The following SMOC2 variants were observed in gnomAD, a reference collection of about 807,000 sequenced individuals.
SMOC2 encodes the protein SPARC-related modular calcium-binding protein 2.
SMOC2 carries 39 observed loss-of-function variants against 61.4 expected under a neutral mutation model. That is an observed-to-expected ratio of 0.64 (90% CI 0.49 to 0.83). The LOEUF (loss-of-function observed/expected upper bound fraction) is 0.83. SMOC2 is among the 40% of genes least tolerant of loss of function. SMOC2 has a pLI of 0.00. For missense variants in SMOC2, 556 were observed against 592.9 expected (o/e 0.94, Z 0.65); for synonymous variants, 247 against 239.9 (o/e 1.03, Z -0.27).
intron 7 of SMOC2, among the ~76,000 whole-genome samples, chr6:168,582,681 G>A (rs1401189417): frequency 1.3e-5 from 2 of 152,212 alleles, no homozygotes; most frequent in African/African-American, 2.4e-5. Context: ...TGACTGGAAC[G>A]CCGCCATGGA....
chr6:168,603,833 C>T (rs1356275234), intron 8 of SMOC2, among the ~76,000 whole-genome samples: 6 of 152,208 alleles, frequency 3.9e-5, no homozygotes, highest in Admixed American at 1.3e-4. Flanking sequence ...AGCAAGGAAG[C>T]CTGCAGAAGT....
chr6:168,560,523 C>T (rs1038679695), intron 7 of SMOC2, among the ~76,000 whole-genome samples: 29 of 145,456 alleles, frequency 2.0e-4, no homozygotes, highest in Middle Eastern at 3.5e-3. Context: ...TCACTGCGTT[C>T]TTGGAGGAGG....
Position 168,486,955 on chromosome 6 carries a change from T to A in SMOC2, c.85-22960T>A, listed in dbSNP as rs567031023. Among the ~76,000 whole-genome samples the A allele has an allele frequency of 2.0e-5, 3 of 152,224 alleles. No homozygotes were observed. In the East Asian group the frequency reaches 5.8e-4, roughly 30 times the overall value. On this transcript the variant is annotated intron_variant, in intron 1 of 12. Transcript: ENST00000356284. ...CTGGGCAGCATGCAGAGAGACATAC[T>A]CCGTCCCCTCACTCATTAGAAGGGC...
At chr6:168,556,756 C>T (rs1490778126) in intron 7 of SMOC2, among the ~76,000 whole-genome samples, 1 of 110,496 alleles carries the variant, frequency 9.1e-6, no homozygotes, top group Non-Finnish European at 1.7e-5. Context: ...CCCCACCCCA[C>T]AACAGGCCCC....
At chr6:168,661,966 AC>A (rs1787519996) in intron 11 of SMOC2, among the ~76,000 whole-genome samples, 1 of 152,222 alleles carries the variant, frequency 6.6e-6, no homozygotes, top group Non-Finnish European at 1.5e-5. Flanking sequence ...TTTGCAATTT[AC>A]CTAATTGCAA....
Position 168,526,330 on chromosome 6 carries a change from C to G in SMOC2, c.257-16C>G. On this transcript the variant is annotated splice_polypyrimidine_tract_variant and intron_variant, in intron 2 of 12. Coordinates refer to ENST00000356284, the MANE Select transcript of SMOC2 (RefSeq NM_001166412.2). Reference sequence around the variant, plus strand: ...CCCATTGCATAACCACACCTCTGCCCTGTTCTTCCCTACAGACGTGTCCAG... The same window carrying G: ...CCCATTGCATAACCACACCTCTGCCGTGTTCTTCCCTACAGACGTGTCCAG... The G allele has an allele frequency of 6.2e-7, 1 of 1,607,940 alleles. No homozygotes were observed. Among genetic ancestry groups the G allele is most frequent in the Non-Finnish European group, 8.5e-7 (1 of 1,174,356 alleles).
At chr6:168,456,293 T>C (rs1562538036) in intron 1 of SMOC2, among the ~76,000 whole-genome samples, 1 of 152,118 alleles carries the variant, frequency 6.6e-6, no homozygotes, top group Non-Finnish European at 1.5e-5. Flanking sequence ...AGAGCAAGGC[T>C]CTGGGTTTTT....
chr6:168,641,524 C>T (rs79117274), intron 9 of SMOC2, among the ~76,000 whole-genome samples: 3,555 of 152,270 alleles, frequency 0.023, 162 homozygotes, highest in African/African-American at 0.081. Flanking sequence ...GAAACACACA[C>T]GTTGGTCTTT....
At chr6:168,652,918 G>A (rs1170880328) in intron 10 of SMOC2, 36 bp from the exon 11 acceptor site, 1 of 1,602,014 alleles carries the variant, frequency 6.2e-7, no homozygotes, top group East Asian at 2.2e-5. Flanking sequence ...CAGCCCAGGG[G>A]TTTAAGCATC....
chr6:168,509,977 GA>G lies in SMOC2; in HGVS notation c.150del (p.Lys50AsnfsTer27). 1 of 1,614,188 alleles carries G rather than the reference GA, an allele frequency of 6.2e-7. No individual in the cohort carries two copies. Among genetic ancestry groups the G allele is most frequent in the South Asian group, 1.1e-5 (1 of 91,082 alleles). ...GCTTGGACTGTGCGGGTTCGCCCCA[GA>G]AACCTCTCTGCGCATCTGACGGAAG... ...CSLDCAGSPQ[K>X]PLCASDGRTF... is the part of the protein sequence containing the mutation. On this transcript the variant is annotated frameshift_variant, in exon 2 of 13. Transcript: ENST00000356284. LOFTEE classifies it high-confidence loss of function.
At chr6:168,476,496 GTGTC>G (rs988366154) in intron 1 of SMOC2, among the ~76,000 whole-genome samples, 38 of 151,840 alleles carry the variant, frequency 2.5e-4, no homozygotes, top group Non-Finnish European at 4.3e-4. Flanking sequence ...GTGTGTGTGT[GTGTC>G]TATGTATGGT....
intron 7 of SMOC2, among the ~76,000 whole-genome samples, chr6:168,581,256 G>A (rs9455666): frequency 0.12 from 18,094 of 151,930 alleles, 1,919 homozygotes; most frequent in African/African-American, 0.29. Context: ...AGAGAACCAC[G>A]AAATTTCCAT....
intron 7 of SMOC2, among the ~76,000 whole-genome samples, chr6:168,580,116 G>T (rs1303394725): frequency 2.0e-5 from 3 of 152,068 alleles, no homozygotes; most frequent in African/African-American, 7.2e-5. Flanking sequence ...CCTCCACCAG[G>T]GCCTAGGATT....
chr6:168,548,461 G>A lies in SMOC2; in HGVS notation c.563-668G>A, dbSNP rs141331683. Among the ~76,000 whole-genome samples, 841 of 150,732 alleles carry A rather than the reference G, an allele frequency of 5.6e-3. 12 individuals are homozygous for A. Among genetic ancestry groups the A allele is most frequent in the Admixed American group, 0.016 (237 of 15,096 alleles). ...CAACCTCCGTCTCCTGGGCTCAAGC[G>A]ATTCTCCTGCCTCAGCCTCAGGAGT... On this transcript the variant is annotated intron_variant, in intron 6 of 12. Coordinates refer to ENST00000356284, the MANE Select transcript of SMOC2 (RefSeq NM_001166412.2).
In SMOC2 at chr6:168,519,939, C is replaced by T. The variant is rs1403138621; in HGVS notation, c.257-6407C>T. The stretch of plus-strand genomic sequence containing the variant: ...ATCTCAGTTACATATTTAGAGATTT[C>T]CTATTATAATTTTGTTTCTGCCTTT... On this transcript the variant is annotated intron_variant, in intron 2 of 12. Transcript: ENST00000356284. 2.0e-5 allele frequency among the ~76,000 whole-genome samples: 3 copies of T among 152,166 alleles called. No homozygotes were observed. The East Asian group carries it at 5.8e-4, about 29-fold the overall frequency.
intron 1 of SMOC2, among the ~76,000 whole-genome samples, chr6:168,505,871 G>T (rs190916568): frequency 1.7e-3 from 260 of 152,230 alleles, no homozygotes; most frequent in African/African-American, 6.0e-3. Flanking sequence ...GGCTCTTCAC[G>T]CACTGGGCCT....
chr6:168,663,706 A>G (rs749407083), intron 11 of SMOC2, among the ~76,000 whole-genome samples: 15 of 152,240 alleles, frequency 9.9e-5, no homozygotes, highest in Non-Finnish European at 1.9e-4. Context: ...AAATGCTCAG[A>G]GAAAGAAAAG....
chr6:168,493,839 CATATTA>C (rs1782525502), intron 1 of SMOC2, among the ~76,000 whole-genome samples: 1 of 152,146 alleles, frequency 6.6e-6, no homozygotes, highest in African/African-American at 2.4e-5. Flanking sequence ...TTTCATCAGA[CATATTA>C]GTTTTTAACT....
At chr6:168,619,810 C>G (rs1346417721) in intron 9 of SMOC2, among the ~76,000 whole-genome samples, 2 of 152,206 alleles carry the variant, frequency 1.3e-5, no homozygotes, top group Non-Finnish European at 2.9e-5. Context: ...TGCCTGGAGT[C>G]GGAAGGTCTC....
Sources: gnomAD v4.1 joint callset for allele counts (sites outside exome capture counted in the v4.1 genomes callset) on GRCh38, gnomAD v4.1.1 for gene constraint, MANE v1.5 for transcripts, NCBI Gene and HGNC (gene_info 2026-07-23, HGNC 2026-07-21) for gene names.